Variants in MGAT4C observed in about 807,000 individuals in gnomAD.
MGAT4C encodes the protein MGAT4 family member C, also known as alpha-1,3-mannosyl-glycoprotein 4-beta-N-acetylglucosaminyltransferase C.
Under a neutral mutation model 40.1 loss-of-function variants are expected in MGAT4C, and 19 were observed. The observed-to-expected ratio is 0.47, with a 90% CI of 0.33 to 0.70. The LOEUF is 0.70. Among genes scored for constraint, MGAT4C ranks in the 30% least tolerant of loss-of-function variants. The pLI is 0.02. For synonymous variants in MGAT4C, 181 were observed against 187.1 expected, an observed-to-expected ratio of 0.97 and a Z score of 0.27; for missense variants, 491 against 563.2, an observed-to-expected ratio of 0.87 and a Z score of 1.30.
At chr12:86,315,484 C>T (rs1592686652) in intron 4 of MGAT4C, among the ~76,000 whole-genome samples, 1 of 152,152 alleles carries the variant, frequency 6.6e-6, no homozygotes, top group Non-Finnish European at 1.5e-5. Flanking sequence ...GGGTGGATCA[C>T]GAGGTAAGGA....
intron 1 of MGAT4C, among the ~76,000 whole-genome samples, chr12:86,759,245 C>A (rs1158246891): frequency 6.6e-6 from 1 of 152,016 alleles, no homozygotes; most frequent in Non-Finnish European, 1.5e-5. Flanking sequence ...GAATAGTATT[C>A]CATTGTGTAT....
chr12:86,218,331 C>A (rs888030621), intron 1 of MGAT4C, among the ~76,000 whole-genome samples: 1 of 151,854 alleles, frequency 6.6e-6, no homozygotes, highest in Non-Finnish European at 1.5e-5. Flanking sequence ...TTTGATGAAC[C>A]CTTGATATTT....
intron 2 of MGAT4C, among the ~76,000 whole-genome samples, chr12:86,672,816 G>C (rs549403270): frequency 1.3e-5 from 2 of 151,916 alleles, no homozygotes; most frequent in African/African-American, 4.8e-5. Context: ...TTACTACCTG[G>C]GTAATGGAGT....
intron 4 of MGAT4C, among the ~76,000 whole-genome samples, chr12:86,283,456 G>A (rs1161636456): frequency 6.6e-6 from 1 of 151,532 alleles, no homozygotes; most frequent in African/African-American, 2.4e-5. Context: ...CTTAAATACT[G>A]TACATATTTA....
intron 1 of MGAT4C, among the ~76,000 whole-genome samples, chr12:86,239,267 T>C (rs1331840274): frequency 2.0e-5 from 3 of 152,074 alleles, no homozygotes; most frequent in Non-Finnish European, 4.4e-5. Context: ...TTTGATAACA[T>C]GAAAATTTTT....
At chr12:86,219,032 T>C (rs1483572798) in intron 1 of MGAT4C, among the ~76,000 whole-genome samples, 2 of 151,786 alleles carry the variant, frequency 1.3e-5, no homozygotes, top group Non-Finnish European at 2.9e-5. Flanking sequence ...ATAAAAAAAT[T>C]AGCTGGGCGT....
At chr12:86,100,077 TTTA>T (rs1874694723) in intron 1 of MGAT4C, among the ~76,000 whole-genome samples, 2 of 99,262 alleles carry the variant, frequency 2.0e-5, no homozygotes, top group East Asian at 3.4e-4. Context: ...GCATTTCTAT[TTTA>T]TTATCTTTAT....
chr12:86,070,181 T>G (rs1309698470), intron 1 of MGAT4C, among the ~76,000 whole-genome samples: 1 of 152,028 alleles, frequency 6.6e-6, no homozygotes, highest in East Asian at 1.9e-4. Context: ...ATAATAAACT[T>G]AACAAAGTCT....
chr12:86,483,125 T>C (rs1957963106), intron 2 of MGAT4C, among the ~76,000 whole-genome samples: 1 of 152,182 alleles, frequency 6.6e-6, no homozygotes, highest in South Asian at 2.1e-4. Flanking sequence ...CTTCTTGTTG[T>C]GTCCTCACAT....
chr12:86,639,019 A>C (rs929746864), intron 2 of MGAT4C, among the ~76,000 whole-genome samples: 2 of 151,824 alleles, frequency 1.3e-5, no homozygotes, highest in African/African-American at 4.8e-5. Flanking sequence ...TTGGTTTTGC[A>C]GATATAAATA....
intron 4 of MGAT4C, among the ~76,000 whole-genome samples, chr12:86,282,024 C>T (rs565645109): frequency 9.2e-5 from 14 of 152,058 alleles, no homozygotes; most frequent in Non-Finnish European, 1.6e-4. Context: ...CTTTATATTT[C>T]AATTATAGCA....
chr12:86,747,203 A>G (rs1951165658), intron 1 of MGAT4C, among the ~76,000 whole-genome samples: 1 of 151,672 alleles, frequency 6.6e-6, no homozygotes, highest in Non-Finnish European at 1.5e-5. Context: ...AAATCTCTTT[A>G]AACACTGATT....
At chr12:86,503,808 ATATATG>A in intron 2 of MGAT4C, among the ~76,000 whole-genome samples, 1 of 127,486 alleles carries the variant, frequency 7.8e-6, no homozygotes, top group African/African-American at 2.8e-5. Flanking sequence ...ATATATATAT[ATATATG>A]AGTTCTGCTC....
Position 85,965,891 on chromosome 12 carries a change from T to C in MGAT4C, c.*13398A>G, listed in dbSNP as rs1179527571. 6.6e-6 allele frequency: 1 copy of C among 152,170 alleles called. No individual in the cohort carries two copies. Among genetic ancestry groups the C allele is most frequent in the Non-Finnish European group, 1.5e-5 (1 of 68,036 alleles). 9.4% of individuals were successfully genotyped at this position (152,170 alleles called of 1,614,324 possible). A position where few individuals can be genotyped will look rare whatever the true frequency, so the allele number is the denominator to read the frequency against. On this transcript the variant is annotated 3_prime_UTR_variant, in exon 5 of 5. Transcript: ENST00000611864. ...TAAAAGTGGACAAATTTTTATACTA[T>C]ATCCTAATAATGATACAAGGTGACT...
chr12:86,314,860 T>C (rs988925996), intron 4 of MGAT4C, among the ~76,000 whole-genome samples: 2 of 152,126 alleles, frequency 1.3e-5, no homozygotes, highest in Non-Finnish European at 2.9e-5. Flanking sequence ...CTTAAACAAA[T>C]GGAAAAACAT....
chr12:86,053,713 A>G (rs531356130), intron 1 of MGAT4C, among the ~76,000 whole-genome samples: 2 of 152,156 alleles, frequency 1.3e-5, no homozygotes, highest in African/African-American at 4.8e-5. Flanking sequence ...TGTATAAGGA[A>G]CTCAAACAAA....
At chr12:86,566,582 GTATA>G (rs1171291843) in intron 2 of MGAT4C, among the ~76,000 whole-genome samples, 1 of 103,878 alleles carries the variant, frequency 9.6e-6, no homozygotes, top group Non-Finnish European at 2.0e-5. Context: ...ATATGTATAT[GTATA>G]TATATGTATT....
At chr12:86,283,300 G>C (rs1039626009) in intron 4 of MGAT4C, among the ~76,000 whole-genome samples, 1 of 151,868 alleles carries the variant, frequency 6.6e-6, no homozygotes, top group Non-Finnish European at 1.5e-5. Flanking sequence ...AAACACTGTT[G>C]CTTCACCTAT....
chr12:86,480,473 T>C (rs1238677394), intron 2 of MGAT4C, among the ~76,000 whole-genome samples: 3 of 122,408 alleles, frequency 2.5e-5, no homozygotes, highest in East Asian at 2.1e-4. Flanking sequence ...CATATACATA[T>C]GTATGTATAC....
Sources: allele counts gnomAD v4.1 joint callset (sites outside exome capture counted in the v4.1 genomes callset), GRCh38; gene constraint gnomAD v4.1.1; transcripts MANE v1.5; gene names NCBI Gene and HGNC (gene_info 2026-07-23, HGNC 2026-07-21).